The following EIF3J variants were observed in gnomAD, a reference collection of about 807,000 sequenced individuals.
The protein encoded by EIF3J is eukaryotic translation initiation factor 3, subunit 1 (alpha, 35kD).
In EIF3J, 15 loss-of-function variants were observed where a neutral mutation model predicts 39.0. The ratio of observed to expected loss-of-function variants is 0.38; its 90% CI spans 0.26 to 0.59. The LOEUF (loss-of-function observed/expected upper bound fraction) is 0.59. EIF3J is among the 20% of genes least tolerant of loss of function. The pLI is 0.60. For synonymous variants in EIF3J, 98 were observed against 112.9 expected (o/e 0.87, Z 0.84); for missense variants, 226 against 308.6 (o/e 0.73, Z 2.00).
intron 2 of EIF3J, 67 bp from the exon 3 acceptor site, chr15:44,550,809 G>A (rs2082092571): frequency 2.7e-6 from 3 of 1,107,814 alleles, no homozygotes; most frequent in Non-Finnish European, 2.7e-6. Flanking sequence ...AGTTAGTCAA[G>A]TTGATAATAA....
At position 44,550,909 on chromosome 15, in the gene EIF3J, G is replaced by C. The variant is rs141093779; in HGVS notation, c.181G>C (p.Glu61Gln). Residue 61 changes from glutamate to glutamine, a missense_variant, in exon 3 of 8, where the codon GAG (glutamate) becomes CAG (glutamine). Physicochemically the swap from Glu to Gln is conservative, Grantham distance 29. This residue lies in a region of EIF3J where 143 missense variants were observed against 156.0 expected (regional missense o/e 0.92). Coordinates refer to ENST00000261868, the MANE Select transcript of EIF3J (RefSeq NM_003758.4). ...GGATGACGATGATGATGAAAAAAAAGAGGAAGCAGAAGTAAAACCAGGTGA... is the reference window on the plus strand; with the variant it reads ...GGATGACGATGATGATGAAAAAAAACAGGAAGCAGAAGTAAAACCAGGTGA... The part of the protein sequence containing the change: ...NWDDDDDEKK[E>Q]EAEVKPEVKI... 32 of 1,609,874 alleles carry C rather than the reference G, an allele frequency of 2.0e-5. No individual in the cohort carries two copies. The African/African-American group carries it at 4.3e-4, about 21-fold the overall frequency.
chr15:44,540,263 ATATAT>A (rs1364968035), intron 2 of EIF3J, among the ~76,000 whole-genome samples: 2,011 of 61,440 alleles, frequency 0.033, 17 homozygotes, highest in Middle Eastern at 0.06. Context: ...ATATATATAT[ATATAT>A]TTTTTTTTTT....
chr15:44,557,743 CTATAA>C (rs2082157276), intron 6 of EIF3J, 93 bp downstream of exon 6: 4 of 954,232 alleles, frequency 4.2e-6, no homozygotes, highest in Non-Finnish European at 4.3e-6. Flanking sequence ...TTCAAGGATA[CTATAA>C]TACAGACTCA....
intron 2 of EIF3J, among the ~76,000 whole-genome samples, chr15:44,539,023 A>C (rs909096155): frequency 5.3e-5 from 8 of 149,710 alleles, no homozygotes; most frequent in Non-Finnish European, 1.0e-4. Context: ...GATGAATATA[A>C]TTCTTTTTTT....
chr15:44,540,370 C>T (rs2082004841), intron 2 of EIF3J, among the ~76,000 whole-genome samples: 1 of 150,442 alleles, frequency 6.6e-6, no homozygotes, highest in Non-Finnish European at 1.5e-5. Context: ...TCCCAGAGTG[C>T]TGGGATTACA....
At chr15:44,546,759 A>G (rs926120121) in intron 2 of EIF3J, among the ~76,000 whole-genome samples, 3 of 148,880 alleles carry the variant, frequency 2.0e-5, no homozygotes, top group Admixed American at 6.7e-5. Context: ...GTGTTTGATA[A>G]TTGGTTTATA....
At chr15:44,537,520 G>A (rs1030932895) in intron 2 of EIF3J, 93 bp downstream of exon 2, 2 of 1,319,280 alleles carry the variant, frequency 1.5e-6, no homozygotes, top group East Asian at 2.9e-5. Flanking sequence ...GGGCCTGCGG[G>A]CCGTGGGTCC....
chr15:44,556,492 T>G (rs2082145285), intron 5 of EIF3J, among the ~76,000 whole-genome samples: 1 of 151,892 alleles, frequency 6.6e-6, no homozygotes, highest in Non-Finnish European at 1.5e-5. Flanking sequence ...CAGGTGAATA[T>G]CACCACACCT....
In EIF3J at chr15:44,551,474, A is replaced by G; in HGVS notation, c.246A>G (p.Lys82=). ...AGAAAAAAATAGCAGAGAAGATAAA[A>G]GAGAAAGAACGGCAACAGAAGAAAA... ...SEKKKIAEKI[K]EKERQQKKRQ... Residue 82 remains lysine (K), a synonymous_variant, in exon 4 of 8, where the codon AAA becomes AAG. Transcript: ENST00000261868. The G allele has an allele frequency of 6.3e-7, 1 of 1,590,966 alleles. No individual in the cohort carries two copies. Among genetic ancestry groups the G allele is most frequent in the Non-Finnish European group, 8.5e-7 (1 of 1,172,766 alleles).
chr15:44,555,855 T>C (rs1451572955), intron 5 of EIF3J, among the ~76,000 whole-genome samples: 2 of 152,124 alleles, frequency 1.3e-5, no homozygotes, highest in East Asian at 3.9e-4. Context: ...GTAAAACTCA[T>C]CTAGGCCAGA....
In EIF3J at chr15:44,546,901, C is replaced by T. The variant is rs118093822; in HGVS notation, c.148-3975C>T. 7.1e-3 allele frequency among the ~76,000 whole-genome samples: 1,002 copies of T among 141,054 alleles called. 16 individuals are homozygous for T. Among genetic ancestry groups the T allele is most frequent in the East Asian group, 0.048 (227 of 4,746 alleles). The allele number at this position is 141,054 out of a possible 152,430, so 92.5% of individuals were successfully genotyped here. A position where few individuals can be genotyped will look rare whatever the true frequency, so the allele number is the denominator to read the frequency against. On this transcript the variant is annotated intron_variant, in intron 2 of 7. Transcript: ENST00000261868. The stretch of plus-strand genomic sequence containing the variant: ...GCAGTGGCTCGATCCTGGCTCACTG[C>T]AGCTTCGCCTCCTGTGCTCAAATGA...
chr15:44,555,753 C>T (rs2082139062), intron 5 of EIF3J, among the ~76,000 whole-genome samples: 1 of 152,174 alleles, frequency 6.6e-6, no homozygotes, highest in Non-Finnish European at 1.5e-5. Flanking sequence ...TAGGATTTTA[C>T]TGTTGTGTTT....
At position 44,537,253 on chromosome 15, in the gene EIF3J, T is replaced by TGGGGCA. The variant is rs1302082977; in HGVS notation, c.43+20_43+25dup. 5 of 1,582,140 alleles carry TGGGGCA rather than the reference T, an allele frequency of 3.2e-6. No individual in the cohort carries two copies. Among genetic ancestry groups the TGGGGCA allele is most frequent in the Non-Finnish European group, 4.3e-6 (5 of 1,165,116 alleles). ...GACTCCTGGGGTGAGGAGAAGTTGC[T>TGGGGCA]GGGGCAGGGCCCGGGCCGGCGCCGG... On this transcript the variant is annotated intron_variant, in intron 1 of 7. Coordinates refer to ENST00000261868, the MANE Select transcript of EIF3J (RefSeq NM_003758.4).
intron 6 of EIF3J, chr15:44,558,811 C>T (rs2082166162): frequency 6.6e-6 from 1 of 152,154 alleles, no homozygotes; most frequent in Non-Finnish European, 1.5e-5. Context: ...TAAATTATCA[C>T]TAAGCTGAGG....
At chr15:44,547,735 A>AC (rs11437033) in intron 2 of EIF3J, among the ~76,000 whole-genome samples, 15,023 of 152,138 alleles carry the variant, frequency 0.099, 1,536 homozygotes, top group African/African-American at 0.24. Context: ...GGCATGAGCC[A>AC]CGCACCCGGC....
chr15:44,547,422 C>T (rs944387900), intron 2 of EIF3J, among the ~76,000 whole-genome samples: 12 of 146,078 alleles, frequency 8.2e-5, no homozygotes, highest in Non-Finnish European at 1.6e-4. Context: ...GGATTACAGG[C>T]GTAAGCCGGC....
intron 2 of EIF3J, among the ~76,000 whole-genome samples, chr15:44,549,037 TAAAAA>T (rs892928056): frequency 6.9e-6 from 1 of 145,772 alleles, no homozygotes; most frequent in Non-Finnish European, 1.5e-5. Flanking sequence ...GAGATCTAAA[TAAAAA>T]AAAAAATGAA....
intron 2 of EIF3J, 126 bp from the exon 3 acceptor site, chr15:44,550,750 T>C (rs2082092074): frequency 1.5e-6 from 1 of 654,562 alleles, no homozygotes. Context: ...CCTACATTAA[T>C]TTATAAATTT....
intron 2 of EIF3J, among the ~76,000 whole-genome samples, chr15:44,546,062 C>A (rs1343955464): frequency 6.6e-6 from 1 of 152,212 alleles, no homozygotes; most frequent in African/African-American, 2.4e-5. Flanking sequence ...CTATCACTCA[C>A]AGATCCAGCC....
Sources: gnomAD v4.1 joint callset for allele counts (sites outside exome capture counted in the v4.1 genomes callset) on GRCh38, gnomAD v4.1.1 for gene constraint, gnomAD v4.1.1 regional missense constraint, MANE v1.5 for transcripts, NCBI Gene and HGNC (gene_info 2026-07-23, HGNC 2026-07-21) for gene names.